Variants in CTNNA3 observed in about 807,000 individuals in gnomAD.
CTNNA3 encodes the protein catenin alpha-3.
A neutral mutation model predicts 95.7 loss-of-function variants in CTNNA3; 76 were observed. That is an observed-to-expected ratio of 0.79 (90% CI 0.66 to 0.96). CTNNA3 has a LOEUF of 0.96. Ranked by LOEUF, CTNNA3 falls within the 40% of genes least tolerant of loss-of-function variation. The probability of loss-of-function intolerance (pLI) is 0.00; values close to 1 mark genes in which losing one functional copy is unlikely to be tolerated. For missense variants in CTNNA3, 1,191 were observed against 1,089.8 expected (o/e 1.09, Z -1.31); for synonymous variants, 431 against 374.4 (o/e 1.15, Z -1.74).
Position 66,318,527 on chromosome 10 carries a change from C to T in CTNNA3, c.1733-37906G>A, listed in dbSNP as rs561221649. Among the ~76,000 whole-genome samples the T allele has an allele frequency of 2.0e-5, 3 of 151,902 alleles. No homozygotes were observed. In the East Asian group the frequency reaches 5.8e-4, roughly 29 times the overall value. ...CTCCCAGTTCTCTGTGCACGCCAAG[C>T]TTCCTCTCCAATATCCATATGCCAC... On this transcript the variant is annotated intron_variant, in intron 12 of 17. Transcript: ENST00000433211.
At chr10:67,329,596 C>T (rs910089285) in intron 5 of CTNNA3, among the ~76,000 whole-genome samples, 2 of 152,114 alleles carry the variant, frequency 1.3e-5, no homozygotes, top group Admixed American at 1.3e-4. Context: ...AATATACATA[C>T]ATATTGTCAC....
At chr10:66,186,152 G>A (rs2086331049) in intron 13 of CTNNA3, among the ~76,000 whole-genome samples, 1 of 152,094 alleles carries the variant, frequency 6.6e-6, no homozygotes, top group African/African-American at 2.4e-5. Flanking sequence ...GAACTGACAA[G>A]TGTTTGAGGC....
At chr10:67,740,930 C>G (rs1382379511) in intron 1 of CTNNA3, among the ~76,000 whole-genome samples, 1 of 151,018 alleles carries the variant, frequency 6.6e-6, no homozygotes, top group East Asian at 1.9e-4. Context: ...CAATGATAGA[C>G]TGGATTAAGA....
intron 5 of CTNNA3, among the ~76,000 whole-genome samples, chr10:67,439,257 T>C (rs969746908): frequency 1.3e-5 from 2 of 152,140 alleles, no homozygotes; most frequent in African/African-American, 2.4e-5. Flanking sequence ...TATTAGCCTG[T>C]TCTTGCATTG....
intron 11 of CTNNA3, among the ~76,000 whole-genome samples, chr10:66,428,677 C>T (rs1188525046): frequency 6.6e-6 from 1 of 151,970 alleles, no homozygotes; most frequent in Non-Finnish European, 1.5e-5. Flanking sequence ...GAAATGAAGG[C>T]AAAAATAAAG....
At chr10:67,400,429 G>A (rs138017348) in intron 5 of CTNNA3, among the ~76,000 whole-genome samples, 2,448 of 152,224 alleles carry the variant, frequency 0.016, 28 homozygotes, top group Non-Finnish European at 0.025. Context: ...TGTTGATTAT[G>A]AGAACAATAA....
chr10:66,090,794 GC>G (rs2081184587), intron 14 of CTNNA3, among the ~76,000 whole-genome samples: 1 of 151,958 alleles, frequency 6.6e-6, no homozygotes, highest in African/African-American at 2.4e-5. Flanking sequence ...TTTTAGCCAA[GC>G]TTTAGATGTT....
At chr10:66,261,193 C>T (rs1412742747) in intron 13 of CTNNA3, among the ~76,000 whole-genome samples, 2 of 152,024 alleles carry the variant, frequency 1.3e-5, no homozygotes, top group African/African-American at 4.8e-5. Context: ...TTTACTTGAT[C>T]TTCTCAGCTT....
chr10:66,465,478 T>C (rs1013110881), intron 11 of CTNNA3, among the ~76,000 whole-genome samples: 1 of 152,192 alleles, frequency 6.6e-6, no homozygotes, highest in Non-Finnish European at 1.5e-5. Context: ...CCCATTAGGA[T>C]ACATTGCAGT....
At chr10:66,009,295 C>T (rs2133387118) in intron 15 of CTNNA3, among the ~76,000 whole-genome samples, 1 of 152,172 alleles carries the variant, frequency 6.6e-6, no homozygotes, top group South Asian at 2.1e-4. Flanking sequence ...TATCCTTAAT[C>T]CATAGTTTAT....
At chr10:66,847,315 T>C (rs1843316314) in intron 7 of CTNNA3, among the ~76,000 whole-genome samples, 1 of 152,178 alleles carries the variant, frequency 6.6e-6, no homozygotes, top group African/African-American at 2.4e-5. Context: ...ATATCTATCA[T>C]TCCAAATTGA....
chr10:67,391,791 A>G (rs1306039924), intron 5 of CTNNA3, among the ~76,000 whole-genome samples: 1 of 151,092 alleles, frequency 6.6e-6, no homozygotes, highest in African/African-American at 2.5e-5. Flanking sequence ...CCTGAGAAAA[A>G]CAAGCAATGG....
rs191442990 is a variant in CTNNA3, at chr10:65,924,128, G to T, written c.2401-3511C>A. Reference sequence around the variant, plus strand: ...GACTTAAGGCAAATGCTTAGCTGAAGAACCAATTTTCCAAAATATTACAGC... The same window carrying T: ...GACTTAAGGCAAATGCTTAGCTGAATAACCAATTTTCCAAAATATTACAGC... On this transcript the variant is annotated intron_variant, in intron 17 of 17. Coordinates refer to ENST00000433211, the MANE Select transcript of CTNNA3 (RefSeq NM_013266.4). Among the ~76,000 whole-genome samples the T allele has an allele frequency of 2.3e-3, 352 of 152,190 alleles. 1 individual carries two copies. Among genetic ancestry groups the T allele is most frequent in the African/African-American group, 8.1e-3 (336 of 41,528 alleles).
chr10:65,978,233 G>A (rs138378735), intron 16 of CTNNA3, among the ~76,000 whole-genome samples: 85 of 151,986 alleles, frequency 5.6e-4, no homozygotes, highest in African/African-American at 2.0e-3. Context: ...CCTCCAGTCC[G>A]CAGAATTTTA....
intron 16 of CTNNA3, among the ~76,000 whole-genome samples, chr10:65,975,635 A>T (rs956793636): frequency 6.6e-6 from 1 of 152,164 alleles, no homozygotes; most frequent in Non-Finnish European, 1.5e-5. Flanking sequence ...GCTGATCTTT[A>T]TTAGGTACTT....
chr10:65,961,714 G>T (rs1273598910), intron 17 of CTNNA3, among the ~76,000 whole-genome samples: 2 of 151,632 alleles, frequency 1.3e-5, no homozygotes, highest in African/African-American at 4.8e-5. Context: ...AGCATACCTT[G>T]CAGTGAAATA....
chr10:66,599,004 G>C (rs1843822023), intron 10 of CTNNA3, among the ~76,000 whole-genome samples: 1 of 151,010 alleles, frequency 6.6e-6, no homozygotes, highest in South Asian at 2.1e-4. Context: ...ATATCACAAA[G>C]GTATAGTAAT....
At chr10:66,026,612 T>G (rs939481694) in intron 15 of CTNNA3, among the ~76,000 whole-genome samples, 13 of 152,152 alleles carry the variant, frequency 8.5e-5, no homozygotes, top group African/African-American at 3.1e-4. Flanking sequence ...TATTATGCAT[T>G]TTCCTCTGTC....
intron 5 of CTNNA3, among the ~76,000 whole-genome samples, chr10:67,304,270 C>A (rs1840447985): frequency 6.6e-6 from 1 of 152,138 alleles, no homozygotes; most frequent in East Asian, 1.9e-4. Flanking sequence ...CTCAGCCATC[C>A]TTGTCAAACC....
Sources: allele counts gnomAD v4.1 joint callset (sites outside exome capture counted in the v4.1 genomes callset), GRCh38; gene constraint gnomAD v4.1.1; transcripts MANE v1.5; gene names NCBI Gene and HGNC (gene_info 2026-07-23, HGNC 2026-07-21).